TRDN: variants seen among roughly 807,000 people sequenced by gnomAD.
TRDN encodes the protein triadin.
TRDN carries 161 observed loss-of-function variants against 149.7 expected under a neutral mutation model. That is an observed-to-expected ratio of 1.08 (90% CI 0.95 to 1.23). The LOEUF (loss-of-function observed/expected upper bound fraction) is 1.23. Among genes scored for constraint, TRDN ranks in the 50% most tolerant of loss-of-function variants. The pLI is 0.00. For missense variants in TRDN, 896 were observed against 823.5 expected, an observed-to-expected ratio of 1.09 and a Z score of -1.08; for synonymous variants, 294 against 250.5, an observed-to-expected ratio of 1.17 and a Z score of -1.64.
chr6:123,376,449 T>C (rs559617915), intron 18 of TRDN, among the ~76,000 whole-genome samples: 1 of 152,194 alleles, frequency 6.6e-6, no homozygotes, highest in Non-Finnish European at 1.5e-5. Context: ...TTCTATTTGG[T>C]GTTTCTTCCT....
At chr6:123,610,419 T>C (rs1784743088) in intron 1 of TRDN, among the ~76,000 whole-genome samples, 1 of 152,166 alleles carries the variant, frequency 6.6e-6, no homozygotes. Flanking sequence ...TCTCATTCCA[T>C]GTCGCTATGT....
intron 26 of TRDN, among the ~76,000 whole-genome samples, chr6:123,276,655 C>G (rs1777377929): frequency 6.6e-6 from 1 of 152,124 alleles, no homozygotes; most frequent in Non-Finnish European, 1.5e-5. Flanking sequence ...GGAGCCACTT[C>G]AGCAGAAGAC....
At chr6:123,391,005 G>A (rs1054856540) in intron 13 of TRDN, among the ~76,000 whole-genome samples, 4 of 152,002 alleles carry the variant, frequency 2.6e-5, no homozygotes, top group African/African-American at 9.7e-5. Flanking sequence ...TACGGCATGT[G>A]TTCTCTCTTT....
intron 38 of TRDN, among the ~76,000 whole-genome samples, chr6:123,243,540 C>T (rs1776066195): frequency 6.6e-6 from 1 of 151,912 alleles, no homozygotes; most frequent in Admixed American, 6.6e-5. Flanking sequence ...GTCAGGAAAA[C>T]AATTTAGGAT....
intron 10 of TRDN, among the ~76,000 whole-genome samples, chr6:123,459,266 C>G (rs889667552): frequency 6.6e-6 from 1 of 152,144 alleles, no homozygotes; most frequent in Non-Finnish European, 1.5e-5. Context: ...TTAATCAAGC[C>G]CCATGTCCTC....
intron 24 of TRDN, among the ~76,000 whole-genome samples, chr6:123,297,260 C>T (rs1469003692): frequency 1.3e-5 from 2 of 151,810 alleles, no homozygotes; most frequent in Non-Finnish European, 2.9e-5. Flanking sequence ...CTTTTCATCT[C>T]AGACAGTTAT....
chr6:123,419,727 A>T (rs1473317017), intron 12 of TRDN, among the ~76,000 whole-genome samples: 3 of 152,206 alleles, frequency 2.0e-5, no homozygotes, highest in Non-Finnish European at 2.9e-5. Flanking sequence ...AGAAAGTGTG[A>T]TGAATAATTA....
chr6:123,350,115 TACTA>T (rs772843741), intron 21 of TRDN: 24 of 973,884 alleles, frequency 2.5e-5, no homozygotes, highest in African/African-American at 3.5e-5. Context: ...ATAAAATGTT[TACTA>T]ACTGTGTTAA....
chr6:123,445,111 G>T (rs996868865), intron 10 of TRDN: 1 of 151,298 alleles, frequency 6.6e-6, no homozygotes, highest in Non-Finnish European at 1.5e-5. Context: ...GTTCCTCCTT[G>T]TACCTCTGGT....
chr6:123,538,112 T>C (rs1297799612), intron 4 of TRDN, among the ~76,000 whole-genome samples: 1 of 152,206 alleles, frequency 6.6e-6, no homozygotes, highest in Non-Finnish European at 1.5e-5. Flanking sequence ...TTCTCTTTAT[T>C]AAATTATTAT....
At chr6:123,338,233 G>A (rs982240337) in intron 21 of TRDN, among the ~76,000 whole-genome samples, 1 of 152,070 alleles carries the variant, frequency 6.6e-6, no homozygotes, top group African/African-American at 2.4e-5. Context: ...AACTTGACAA[G>A]GGAAAGAAAT....
chr6:123,539,127 T>A (rs771575209), intron 4 of TRDN, among the ~76,000 whole-genome samples: 12 of 150,892 alleles, frequency 8.0e-5, no homozygotes, highest in African/African-American at 2.9e-4. Context: ...TTGTCTCTCA[T>A]GACAAGGAAA....
At chr6:123,269,730 C>T (rs1373593284) in intron 31 of TRDN, 119 bp downstream of exon 31, 24 of 873,788 alleles carry the variant, frequency 2.7e-5, no homozygotes, top group Non-Finnish European at 4.1e-5. Context: ...TTATTATTAA[C>T]AGTTATTTAG....
chr6:123,424,732 T>C (rs1226415988), intron 12 of TRDN, among the ~76,000 whole-genome samples: 1 of 152,182 alleles, frequency 6.6e-6, no homozygotes, highest in East Asian at 1.9e-4. Context: ...TGAGAAAAGC[T>C]GCCCAGGTGT....
At chr6:123,411,664 T>C (rs1056273341) in intron 12 of TRDN, 2 of 152,238 alleles carry the variant, frequency 1.3e-5, no homozygotes, top group Admixed American at 1.3e-4. Flanking sequence ...TCTGTATTTA[T>C]TAATATTGCC....
intron 21 of TRDN, chr6:123,351,570 A>T (rs1780464224): frequency 1.0e-5 from 10 of 979,734 alleles, no homozygotes; most frequent in Non-Finnish European, 1.2e-5. Flanking sequence ...GAAAAGCCCA[A>T]GGAAATAAAT....
intron 24 of TRDN, among the ~76,000 whole-genome samples, chr6:123,305,072 C>T (rs1395114747): frequency 1.3e-5 from 2 of 152,082 alleles, no homozygotes; most frequent in East Asian, 3.9e-4. Flanking sequence ...CTCTTTACAG[C>T]AAAATACAAT....
chr6:123,262,654 A>G (rs375006166), intron 33 of TRDN, among the ~76,000 whole-genome samples: 39 of 152,192 alleles, frequency 2.6e-4, no homozygotes, highest in African/African-American at 9.1e-4. Context: ...GCAACCCTGT[A>G]TGATTAAGCC....
Position 123,438,924 on chromosome 6 carries a change from A to C in TRDN, c.991+20T>G. 6.5e-7 allele frequency: 1 copy of C among 1,545,424 alleles called. No individual in the cohort carries two copies. The stretch of plus-strand genomic sequence containing the variant: ...GGACACTAATTGATTTATGTGGTAC[A>C]TGGCTTTTAAATTTCCTACCTTTCT... On this transcript the variant is annotated intron_variant, in intron 11 of 40. Coordinates refer to ENST00000334268, the MANE Select transcript of TRDN (RefSeq NM_006073.4).
Sources: allele counts gnomAD v4.1 joint callset (sites outside exome capture counted in the v4.1 genomes callset), GRCh38; gene constraint gnomAD v4.1.1; transcripts MANE v1.5; gene names NCBI Gene and HGNC (gene_info 2026-07-23, HGNC 2026-07-21).